ZNF438: variants seen among roughly 807,000 people sequenced by gnomAD.
ZNF438 encodes the protein zinc finger protein 438.
Under a neutral mutation model 38.0 loss-of-function variants are expected in ZNF438, and 25 were observed. That is an observed-to-expected ratio of 0.66 (90% CI 0.48 to 0.92). ZNF438 has a LOEUF of 0.92. ZNF438 is among the 40% of genes least tolerant of loss of function. The probability of loss-of-function intolerance (pLI) is 0.00; values close to 1 mark genes in which losing one functional copy is unlikely to be tolerated. For missense variants in ZNF438, 1,007 were observed against 999.6 expected (o/e 1.01, Z -0.10); for synonymous variants, 372 against 364.1 (o/e 1.02, Z -0.25).
intron 1 of ZNF438, among the ~76,000 whole-genome samples, chr10:30,942,461 A>G (rs1343468546): frequency 1.3e-5 from 2 of 152,218 alleles, no homozygotes; most frequent in African/African-American, 4.8e-5. Context: ...AACTGCAATA[A>G]AAGTAAAAAG....
intron 3 of ZNF438, among the ~76,000 whole-genome samples, chr10:30,901,685 C>T (rs1357529120): frequency 2.0e-5 from 3 of 151,640 alleles, no homozygotes; most frequent in Admixed American, 6.6e-5. Context: ...ATAGTCTCAC[C>T]GCTTGGCGAT....
intron 1 of ZNF438, among the ~76,000 whole-genome samples, chr10:30,960,637 G>C (rs1447211077): frequency 6.8e-6 from 1 of 146,420 alleles, no homozygotes; most frequent in East Asian, 1.9e-4. Flanking sequence ...CTATGCCACG[G>C]CCACGTTGTC....
intron 1 of ZNF438, among the ~76,000 whole-genome samples, chr10:31,009,842 CTTT>C (rs34508005): frequency 4.3e-5 from 5 of 116,300 alleles, no homozygotes; most frequent in African/African-American, 3.2e-5. Context: ...CTTATCAATT[CTTT>C]TTTTTTTTTT....
At chr10:30,902,818 G>C (rs2042172797) in intron 3 of ZNF438, among the ~76,000 whole-genome samples, 1 of 152,228 alleles carries the variant, frequency 6.6e-6, no homozygotes, top group African/African-American at 2.4e-5. Context: ...GCACTCCTCA[G>C]CCCTTGGGTG....
At chr10:30,945,042 C>G (rs2047224238) in intron 1 of ZNF438, among the ~76,000 whole-genome samples, 1 of 149,560 alleles carries the variant, frequency 6.7e-6, no homozygotes, top group Admixed American at 6.7e-5. Flanking sequence ...CAGTACTCTT[C>G]CAGATTTTTT....
chr10:30,990,603 G>A (rs1039053135), intron 1 of ZNF438, among the ~76,000 whole-genome samples: 34 of 152,198 alleles, frequency 2.2e-4, no homozygotes, highest in Non-Finnish European at 4.3e-4. Flanking sequence ...GTATAGAACT[G>A]CCAAAGGAAT....
chr10:31,015,720 T>A (rs2056139487), intron 1 of ZNF438, among the ~76,000 whole-genome samples: 1 of 152,192 alleles, frequency 6.6e-6, no homozygotes, highest in South Asian at 2.1e-4. Flanking sequence ...TACTATCAAC[T>A]TCAGCTGCAA....
intron 3 of ZNF438, among the ~76,000 whole-genome samples, chr10:30,898,694 T>G (rs1248446983): frequency 1.3e-5 from 2 of 152,224 alleles, no homozygotes; most frequent in Non-Finnish European, 2.9e-5. Context: ...TATTTTGATT[T>G]TCAAGTAGTC....
chr10:30,883,277 G>A (rs2039511269), intron 3 of ZNF438, among the ~76,000 whole-genome samples: 1 of 152,046 alleles, frequency 6.6e-6, no homozygotes, highest in Non-Finnish European at 1.5e-5. Flanking sequence ...ATTATAGTTG[G>A]TACAAACTCT....
intron 2 of ZNF438, among the ~76,000 whole-genome samples, chr10:30,932,700 T>C (rs908156621): frequency 1.3e-5 from 2 of 152,194 alleles, no homozygotes; most frequent in Non-Finnish European, 2.9e-5. Context: ...CAAAATGATA[T>C]GTTGAAGTCC....
In ZNF438 at chr10:31,009,409, G is replaced by A. The variant is rs565494833; in HGVS notation, c.-192+22424C>T. ...TTGTGACAACACGTCCAGGAAGGCTGCCTTGTTCAACTCAATAGATACAGG... is the reference window on the plus strand; with the variant it reads ...TTGTGACAACACGTCCAGGAAGGCTACCTTGTTCAACTCAATAGATACAGG... On this transcript the variant is annotated intron_variant, in intron 1 of 5. Transcript: ENST00000413025. Among the ~76,000 whole-genome samples, 4 of 152,300 alleles carry A rather than the reference G, an allele frequency of 2.6e-5. No individual in the cohort carries two copies. In the East Asian group the frequency reaches 7.7e-4, roughly 29 times the overall value.
chr10:30,958,566 C>A (rs2049120865), intron 1 of ZNF438, among the ~76,000 whole-genome samples: 1 of 146,534 alleles, frequency 6.8e-6, no homozygotes, highest in Non-Finnish European at 1.5e-5. Flanking sequence ...AATTTATATG[C>A]CATAAAATTA....
chr10:30,963,260 C>T (rs964252855), intron 1 of ZNF438, among the ~76,000 whole-genome samples: 8 of 151,622 alleles, frequency 5.3e-5, no homozygotes, highest in Non-Finnish European at 1.2e-4. Context: ...GGCATGGTGG[C>T]GGGCATCTGT....
At chr10:30,957,620 C>A (rs111639541) in intron 1 of ZNF438, among the ~76,000 whole-genome samples, 27 of 152,154 alleles carry the variant, frequency 1.8e-4, no homozygotes, top group African/African-American at 6.0e-4. Flanking sequence ...ATGTCCTTTC[C>A]CCAATGTGTG....
intron 3 of ZNF438, among the ~76,000 whole-genome samples, chr10:30,880,471 A>G (rs953570233): frequency 6.6e-5 from 10 of 151,814 alleles, no homozygotes; most frequent in Non-Finnish European, 1.5e-4. Context: ...ACAAAAACAA[A>G]AATAATGCAA....
intron 1 of ZNF438, among the ~76,000 whole-genome samples, chr10:30,945,866 T>C (rs1487163495): frequency 9.3e-6 from 1 of 107,682 alleles, no homozygotes; most frequent in East Asian, 2.4e-4. Flanking sequence ...TAAACATACG[T>C]GTGCATGTGT....
intron 2 of ZNF438, among the ~76,000 whole-genome samples, chr10:30,926,508 A>G (rs565716311): frequency 1.3e-5 from 2 of 152,252 alleles, no homozygotes; most frequent in South Asian, 4.2e-4. Context: ...TCTACTAAAA[A>G]TACAAAAATT....
At chr10:30,973,928 A>G (rs2051030342) in intron 1 of ZNF438, among the ~76,000 whole-genome samples, 1 of 152,224 alleles carries the variant, frequency 6.6e-6, no homozygotes, top group Admixed American at 6.5e-5. Context: ...CTTACAACAG[A>G]TAGCCAGCTA....
chr10:30,957,705 ATG>A (rs1201765848), intron 1 of ZNF438, among the ~76,000 whole-genome samples: 1 of 152,044 alleles, frequency 6.6e-6, no homozygotes, highest in African/African-American at 2.4e-5. Context: ...CCACTGTCCT[ATG>A]TGTCTGTTTT....
Sources: allele counts gnomAD v4.1 joint callset (sites outside exome capture counted in the v4.1 genomes callset), GRCh38; gene constraint gnomAD v4.1.1; transcripts MANE v1.5; gene names NCBI Gene and HGNC (gene_info 2026-07-23, HGNC 2026-07-21).